MYO18A: variants seen among roughly 807,000 people sequenced by gnomAD.
MYO18A encodes myosin XVIIIA, also known as unconventional myosin-XVIIIa.
In MYO18A, 78 loss-of-function variants were observed where a neutral mutation model predicts 235.8. The ratio of observed to expected loss-of-function variants is 0.33; its 90% CI spans 0.28 to 0.40. The LOEUF (loss-of-function observed/expected upper bound fraction) is 0.40. Ranked by LOEUF, MYO18A falls within the 10% of genes least tolerant of loss-of-function variation. The pLI is 1.00. For missense variants in MYO18A, 2,215 were observed against 2,699.3 expected, an observed-to-expected ratio of 0.82 and a Z score of 3.98; for synonymous variants, 977 against 1,077.8, an observed-to-expected ratio of 0.91 and a Z score of 1.83.
At chr17:29,100,605 G>C (rs1167555802) in intron 21 of MYO18A, among the ~76,000 whole-genome samples, 1 of 152,252 alleles carries the variant, frequency 6.6e-6, no homozygotes, top group East Asian at 1.9e-4. Context: ...AAAGGGAAGT[G>C]TGTGTGAAAC....
At chr17:29,103,007 C>G (rs1803381048) in intron 21 of MYO18A, among the ~76,000 whole-genome samples, 1 of 152,222 alleles carries the variant, frequency 6.6e-6, no homozygotes, top group Admixed American at 6.5e-5. Context: ...GGCTTCCTGC[C>G]TGTGGGAGGA....
chr17:29,089,769 G>A (rs756092589), intron 37 of MYO18A, among the ~76,000 whole-genome samples, 192 bp downstream of exon 37: 3 of 152,228 alleles, frequency 2.0e-5, no homozygotes, highest in Admixed American at 6.5e-5. Context: ...TAAAGCAGGC[G>A]GGCTCCACGG....
Position 29,121,608 on chromosome 17 carries a change from T to G in MYO18A, c.1310A>C (p.Tyr437Ser). The G allele has an allele frequency of 1.9e-6, 3 of 1,596,622 alleles. No individual in the cohort carries two copies. Among genetic ancestry groups the G allele is most frequent in the Non-Finnish European group, 2.6e-6 (3 of 1,172,102 alleles). Residue 437 changes from tyrosine to serine, a missense_variant, in exon 5 of 42, where the codon TAT (tyrosine) becomes TCT (serine). Tyr to Ser is a moderately radical substitution (Grantham distance 144). Coordinates refer to ENST00000527372, the MANE Select transcript of MYO18A (RefSeq NM_078471.4). The surrounding 1 kb of genome is among the most constrained non-coding windows in gnomAD (Gnocchi z 4.2). ...AAGAACCAGCAGGCTGGGGCCAGCA[T>G]ACGTGTGCAGCAGGCTAGCGCCATA... ...QRYGASLLHT[Y>S]AGPSLLVLGP...
chr17:29,163,250 G>A (rs2068211722), intron 2 of MYO18A, among the ~76,000 whole-genome samples: 1 of 152,166 alleles, frequency 6.6e-6, no homozygotes, highest in Non-Finnish European at 1.5e-5. Flanking sequence ...AAGAGGAGGA[G>A]ATACAGGCTG....
chr17:29,080,063 G>GCCGGCT, intron 41 of MYO18A: 1 of 985,926 alleles, frequency 1.0e-6, no homozygotes, highest in Non-Finnish European at 1.2e-6. Context: ...CCGCTCCTTC[G>GCCGGCT]CCGGCTCCGG....
In MYO18A at chr17:29,115,810, C is replaced by G; in HGVS notation, c.2081G>C (p.Trp694Ser). Residue 694 changes from tryptophan to serine, a missense_variant, in exon 12 of 42, where the codon TGG (tryptophan) becomes TCG (serine). Trp to Ser is a radical substitution (Grantham distance 177, BLOSUM62 -3). Coordinates refer to ENST00000527372, the MANE Select transcript of MYO18A (RefSeq NM_078471.4). Reference sequence around the variant, plus strand: ...CAGTAGGTACGCAGCCTTCTGGGCCCACTCATGGCGGGCAAACTGCTTGCG... The same window carrying G: ...CAGTAGGTACGCAGCCTTCTGGGCCGACTCATGGCGGGCAAACTGCTTGCG... ...AGRKQFARHE[W>S]AQKAAYLLGC... 6.3e-7 allele frequency: 1 copy of G among 1,589,578 alleles called. No individual in the cohort carries two copies. Among genetic ancestry groups the G allele is most frequent in the Non-Finnish European group, 8.6e-7 (1 of 1,167,986 alleles).
At position 29,073,921 on chromosome 17, in the gene MYO18A, A is replaced by C. The variant is rs781103366; in HGVS notation, c.*849T>G. On this transcript the variant is annotated 3_prime_UTR_variant, in exon 42 of 42. Coordinates refer to ENST00000527372, the MANE Select transcript of MYO18A (RefSeq NM_078471.4). ...CACCTGGACAGAGCAGGAGGGAGGC[A>C]GTGCTTGGATCAGCCCTGAACTGCT... The C allele has an allele frequency of 9.9e-6, 16 of 1,613,828 alleles. No individual in the cohort carries two copies. Among genetic ancestry groups the C allele is most frequent in the African/African-American group, 1.3e-5 (1 of 74,920 alleles).
At chr17:29,082,470 G>A (rs1177119916) in intron 40 of MYO18A, 32 bp from the exon 41 acceptor site, 6 of 1,605,332 alleles carry the variant, frequency 3.7e-6, no homozygotes, top group East Asian at 2.2e-5. Flanking sequence ...AGGTAGACAA[G>A]GCATAGGCAC....
Position 29,089,968 on chromosome 17 carries a change from C to T in MYO18A, c.5519G>A (p.Arg1840Gln), listed in dbSNP as rs748063215. 10 of 1,613,918 alleles carry T rather than the reference C, an allele frequency of 6.2e-6. No homozygotes were observed. The highest frequency in any genetic ancestry group is 1.3e-5 in the African/African-American group (1 of 74,944). The part of the protein sequence containing the change: ...RLEFERTQVK[R>Q]LESLASRLKE... ...GGAGAAGTGTGAACCCACCTCCAGC[C>T]GTTTCACTTGCGTCCTTTCAAACTC... is the stretch of plus-strand genomic sequence containing the variant. Residue 1840 changes from arginine to glutamine, a missense_variant, in exon 37 of 42, where the codon CGG (arginine) becomes CAG (glutamine). Arg to Gln is a conservative substitution (Grantham distance 43). Transcript: ENST00000527372.
chr17:29,085,602 A>C lies in MYO18A; in HGVS notation c.5897+2T>G. 2 of 1,613,908 alleles carry C rather than the reference A, an allele frequency of 1.2e-6. No individual in the cohort carries two copies. Among genetic ancestry groups the C allele is most frequent in the Non-Finnish European group, 1.7e-6 (2 of 1,179,788 alleles). ...AGAGAGCACATGCGCTCCAGTCCTCACAGTTTATTCTTTCTTTTCTGATAC... is the reference window on the plus strand; with the variant it reads ...AGAGAGCACATGCGCTCCAGTCCTCCCAGTTTATTCTTTCTTTTCTGATAC... On this transcript the variant is annotated splice_donor_variant, in intron 40 of 41. Coordinates refer to ENST00000527372, the MANE Select transcript of MYO18A (RefSeq NM_078471.4). LOFTEE classifies it high-confidence loss of function.
chr17:29,142,476 C>A (rs1335037161), intron 2 of MYO18A, among the ~76,000 whole-genome samples: 2 of 152,186 alleles, frequency 1.3e-5, no homozygotes, highest in African/African-American at 4.8e-5. Flanking sequence ...GAGACTGGTA[C>A]ATAATGTATG....
In MYO18A at chr17:29,112,030, C is replaced by T. The variant is rs367915840; in HGVS notation, c.2599-167G>A. ...CACTGCTGACACCTTGTGGAGGAAGCGGGCAGCCCGGGGAAAGGGGAGCCA... is the reference window on the plus strand; with the variant it reads ...CACTGCTGACACCTTGTGGAGGAAGTGGGCAGCCCGGGGAAAGGGGAGCCA... On this transcript the variant is annotated intron_variant, in intron 15 of 41. Transcript: ENST00000527372. Among the ~76,000 whole-genome samples, 19 of 152,298 alleles carry T rather than the reference C, an allele frequency of 1.2e-4. No homozygotes were observed. In the South Asian group the frequency reaches 2.3e-3, roughly 18 times the overall value.
chr17:29,128,930 C>T (rs758627880), intron 2 of MYO18A: 13 of 825,806 alleles, frequency 1.6e-5, no homozygotes, highest in Admixed American at 2.4e-5. Context: ...CCCACTGCCT[C>T]GCAGCCCAGA....
intron 15 of MYO18A, among the ~76,000 whole-genome samples, chr17:29,113,711 C>G (rs576445199): frequency 6.6e-6 from 1 of 152,214 alleles, no homozygotes. Context: ...AGCTGGGGCC[C>G]GAGCCTCAGC....
At chr17:29,154,963 G>A (rs960866892) in intron 2 of MYO18A, among the ~76,000 whole-genome samples, 27 of 152,278 alleles carry the variant, frequency 1.8e-4, no homozygotes, top group Admixed American at 7.2e-4. Flanking sequence ...CCTTCCCCTC[G>A]CCATGTCCCT....
intron 1 of MYO18A, among the ~76,000 whole-genome samples, chr17:29,175,909 A>G (rs890820069): frequency 6.6e-6 from 1 of 152,054 alleles, no homozygotes; most frequent in Non-Finnish European, 1.5e-5. Flanking sequence ...AATACAAAAA[A>G]GTAGCCGGGC....
intron 2 of MYO18A, among the ~76,000 whole-genome samples, chr17:29,154,121 T>TGTGTGTGTGTGTGTGTGTGTGTGCGCGC (rs142430455): frequency 3.4e-5 from 5 of 149,108 alleles, no homozygotes; most frequent in South Asian, 2.1e-4. Context: ...TGTGTGTGTG[T>TGTGTGTGTGTGTGTGTGTGTGTGCGCGC]GCGCGCGCGT....
At chr17:29,171,586 G>C (rs1384386137) in intron 1 of MYO18A, among the ~76,000 whole-genome samples, 1 of 152,142 alleles carries the variant, frequency 6.6e-6, no homozygotes, top group Non-Finnish European at 1.5e-5. Context: ...ACTTTGAGAT[G>C]TGTAAAATTT....
intron 2 of MYO18A, among the ~76,000 whole-genome samples, chr17:29,151,395 C>T (rs1314846888): frequency 6.6e-6 from 1 of 152,184 alleles, no homozygotes; most frequent in Non-Finnish European, 1.5e-5. Context: ...GGTTCCCTTT[C>T]AGTGTGTCCT....
Sources: gnomAD v4.1 joint callset for allele counts (sites outside exome capture counted in the v4.1 genomes callset) on GRCh38, gnomAD v4.1.1 for gene constraint, Gnocchi (gnomAD v3.1) non-coding constraint, MANE v1.5 for transcripts, NCBI Gene and HGNC (gene_info 2026-07-23, HGNC 2026-07-21) for gene names.